Variants in CSRNP3 observed in about 807,000 individuals in gnomAD.
The protein encoded by CSRNP3 is cysteine and serine rich nuclear protein 3.
Under a neutral mutation model 48.0 loss-of-function variants are expected in CSRNP3, and 12 were observed. That is an observed-to-expected ratio of 0.25 (90% CI 0.16 to 0.41). CSRNP3 has a LOEUF of 0.41. CSRNP3 is among the 10% of genes least tolerant of loss of function. The probability of loss-of-function intolerance (pLI) is 1.00; values close to 1 mark genes in which losing one functional copy is unlikely to be tolerated. For missense variants in CSRNP3, 580 were observed against 724.4 expected, an observed-to-expected ratio of 0.80 and a Z score of 2.29; for synonymous variants, 263 against 269.7, an observed-to-expected ratio of 0.98 and a Z score of 0.24.
intron 4 of CSRNP3, among the ~76,000 whole-genome samples, chr2:165,599,895 G>A (rs1208389245): frequency 6.7e-6 from 1 of 149,890 alleles, no homozygotes; most frequent in African/African-American, 2.5e-5. Context: ...TCAAATTTGT[G>A]TAGCATTAAC....
At position 165,629,573 on chromosome 2, in the gene CSRNP3, G is replaced by A. The variant is rs113182962; in HGVS notation, c.149-28188G>A. ...GGCAGCTGAGGCATCACAGGTATGC[G>A]ACTTGTCCCAGGTCATTTGGTTACT... is the stretch of plus-strand genomic sequence containing the variant. On this transcript the variant is annotated intron_variant, in intron 4 of 6. Coordinates refer to ENST00000651982, the MANE Select transcript of CSRNP3 (RefSeq NM_001172173.2). Among the ~76,000 whole-genome samples the A allele has an allele frequency of 8.4e-3, 1,282 of 152,256 alleles. 20 individuals are homozygous for A. The highest frequency in any genetic ancestry group is 0.028 in the African/African-American group (1,170 of 41,538).
chr2:165,492,754 C>G (rs901960243), intron 1 of CSRNP3, among the ~76,000 whole-genome samples: 1 of 100,138 alleles, frequency 1.0e-5, no homozygotes, highest in South Asian at 3.1e-4. Flanking sequence ...AAGAACAAAA[C>G]AAAACTTGCT....
Position 165,682,571 on chromosome 2 carries a change from G to C in CSRNP3, c.*2818G>C, listed in dbSNP as rs1393194542. 6.6e-6 allele frequency: 1 copy of C among 152,100 alleles called. No individual in the cohort carries two copies. Among genetic ancestry groups the C allele is most frequent in the East Asian group, 1.9e-4 (1 of 5,198 alleles). The allele number at this position is 152,100 out of a possible 1,614,324, so 9.4% of individuals were successfully genotyped here. A position where few individuals can be genotyped will look rare whatever the true frequency, so the allele number is the denominator to read the frequency against. On this transcript the variant is annotated 3_prime_UTR_variant, in exon 7 of 7. Transcript: ENST00000651982. ...GTTGGGCTTTATGATCTAAAAAAATGTGGTTTAGAAAAGAGGATAATTGGT... is the reference window on the plus strand; with the variant it reads ...GTTGGGCTTTATGATCTAAAAAAATCTGGTTTAGAAAAGAGGATAATTGGT...
intron 4 of CSRNP3, among the ~76,000 whole-genome samples, chr2:165,626,595 T>C (rs1369651310): frequency 6.6e-6 from 1 of 152,218 alleles, no homozygotes; most frequent in Admixed American, 6.5e-5. Context: ...TTTGCTTCAT[T>C]GCTATAACAT....
At chr2:165,494,469 C>T (rs1287877602) in intron 1 of CSRNP3, among the ~76,000 whole-genome samples, 1 of 152,040 alleles carries the variant, frequency 6.6e-6, no homozygotes, top group Admixed American at 6.6e-5. Flanking sequence ...ATTTGACTCC[C>T]ATTTTGACAT....
chr2:165,623,425 C>T (rs1395597880), intron 4 of CSRNP3, among the ~76,000 whole-genome samples: 1 of 152,148 alleles, frequency 6.6e-6, no homozygotes, highest in South Asian at 2.1e-4. Context: ...ACGTAATGCA[C>T]TTGAATTATC....
At chr2:165,476,704 C>A (rs1395346894) in intron 1 of CSRNP3, among the ~76,000 whole-genome samples, 2 of 152,226 alleles carry the variant, frequency 1.3e-5, no homozygotes, top group East Asian at 1.9e-4. Context: ...ACAGGCATAG[C>A]CTCTTATTGC....
At chr2:165,563,925 C>G (rs1275207703) in intron 3 of CSRNP3, among the ~76,000 whole-genome samples, 1 of 151,948 alleles carries the variant, frequency 6.6e-6, no homozygotes, top group Non-Finnish European at 1.5e-5. Flanking sequence ...ATAAAATCTC[C>G]CCCGCTCCCC....
chr2:165,493,352 TG>T (rs756514684), intron 1 of CSRNP3, among the ~76,000 whole-genome samples: 18 of 152,090 alleles, frequency 1.2e-4, no homozygotes, highest in Non-Finnish European at 2.5e-4. Context: ...AAAATAAATT[TG>T]TTCCCCAAAC....
chr2:165,579,050 T>C (rs1051203997), intron 3 of CSRNP3, among the ~76,000 whole-genome samples: 1 of 152,192 alleles, frequency 6.6e-6, no homozygotes, highest in Non-Finnish European at 1.5e-5. Flanking sequence ...AGATGATAGC[T>C]AATATTAACA....
At chr2:165,559,152 G>A (rs924704336) in intron 3 of CSRNP3, among the ~76,000 whole-genome samples, 1 of 152,056 alleles carries the variant, frequency 6.6e-6, no homozygotes. Context: ...TATAGAAATT[G>A]GAATATAGGA....
At chr2:165,492,746 GAACAA>G (rs902190053) in intron 1 of CSRNP3, among the ~76,000 whole-genome samples, 38 of 69,764 alleles carry the variant, frequency 5.4e-4, no homozygotes, top group African/African-American at 1.9e-3. Flanking sequence ...AAAAAAAAAA[GAACAA>G]AACAAAACTT....
chr2:165,586,086 C>T (rs1165928449), intron 3 of CSRNP3, among the ~76,000 whole-genome samples: 1 of 152,132 alleles, frequency 6.6e-6, no homozygotes, highest in Non-Finnish European at 1.5e-5. Context: ...AAGTGAACAT[C>T]TCATTACCAT....
rs1553472000 is a variant in CSRNP3, at chr2:165,515,334, A to AATAC, written c.-112-2535_-112-2532dup. On this transcript the variant is annotated intron_variant, in intron 2 of 6. Coordinates refer to ENST00000651982, the MANE Select transcript of CSRNP3 (RefSeq NM_001172173.2). ...AAGACTCCATCTCAAAAAAAAAAAA[A>AATAC]ATACATATATATATATATATATCTG... Among the ~76,000 whole-genome samples the AATAC allele has an allele frequency of 2.5e-5, 3 of 119,022 alleles. No homozygotes were observed. The East Asian group carries it at 8.2e-4, about 32-fold the overall frequency. The allele number at this position is 119,022 out of a possible 152,430, so 78.1% of individuals were successfully genotyped here.
At chr2:165,572,995 A>C (rs77947817) in intron 3 of CSRNP3, among the ~76,000 whole-genome samples, 3,309 of 152,220 alleles carry the variant, frequency 0.022, 129 homozygotes, top group African/African-American at 0.076. Context: ...ATTAGATAAT[A>C]TATCATTCAA....
At chr2:165,577,183 G>C (rs1685466149) in intron 3 of CSRNP3, among the ~76,000 whole-genome samples, 1 of 150,402 alleles carries the variant, frequency 6.6e-6, no homozygotes, top group African/African-American at 2.4e-5. Flanking sequence ...GAAACATGTA[G>C]AAGGAAAATG....
chr2:165,569,372 C>T (rs949601565), intron 3 of CSRNP3, among the ~76,000 whole-genome samples: 1 of 151,996 alleles, frequency 6.6e-6, no homozygotes, highest in African/African-American at 2.4e-5. Flanking sequence ...AGAGATCGTC[C>T]AGTTAACATA....
At chr2:165,643,614 C>G (rs1439011132) in intron 4 of CSRNP3, among the ~76,000 whole-genome samples, 4 of 152,166 alleles carry the variant, frequency 2.6e-5, no homozygotes, top group African/African-American at 9.7e-5. Context: ...AATAGGATAA[C>G]TTTGAATCAG....
chr2:165,558,685 G>T (rs994482429), intron 3 of CSRNP3, among the ~76,000 whole-genome samples: 3 of 151,974 alleles, frequency 2.0e-5, no homozygotes, highest in African/African-American at 7.3e-5. Context: ...TTATGTAGCC[G>T]CAATAATTAC....
Sources: gnomAD v4.1 joint callset for allele counts (sites outside exome capture counted in the v4.1 genomes callset) on GRCh38, gnomAD v4.1.1 for gene constraint, MANE v1.5 for transcripts, NCBI Gene and HGNC (gene_info 2026-07-23, HGNC 2026-07-21) for gene names.